Variants in SDK1 observed in about 807,000 individuals in gnomAD.
SDK1 encodes sidekick cell adhesion molecule 1.
A neutral mutation model predicts 245.5 loss-of-function variants in SDK1; 157 were observed. That is an observed-to-expected ratio of 0.64 (90% confidence interval 0.56 to 0.73). SDK1 has a LOEUF of 0.73. Ranked by LOEUF, SDK1 falls within the 30% of genes least tolerant of loss-of-function variation. SDK1 has a pLI of 0.00. For synonymous variants in SDK1, 1,647 were observed against 1,278.5 expected (o/e 1.29, Z -6.15); for missense variants, 3,583 against 3,002.3 (o/e 1.19, Z -4.52).
chr7:3,730,132 C>A (rs1051859602), intron 4 of SDK1, among the ~76,000 whole-genome samples: 6 of 152,042 alleles, frequency 3.9e-5, no homozygotes, highest in African/African-American at 1.4e-4. Context: ...AGCTTAGGGA[C>A]CATTGCTGAT....
chr7:3,827,944 T>C (rs1779817146), intron 5 of SDK1, among the ~76,000 whole-genome samples: 2 of 152,184 alleles, frequency 1.3e-5, no homozygotes, highest in South Asian at 4.1e-4. Flanking sequence ...TCAGCATTTA[T>C]TTGTTATTAG....
chr7:4,205,858 T>C (rs1784187288), intron 35 of SDK1, 21 bp from the exon 36 acceptor site: 2 of 1,539,846 alleles, frequency 1.3e-6, no homozygotes, highest in Non-Finnish European at 8.8e-7. Flanking sequence ...TCAGCTTCTC[T>C]CCGCATTGCT....
At chr7:3,545,534 C>T (rs1485661468) in intron 1 of SDK1, among the ~76,000 whole-genome samples, 1 of 152,206 alleles carries the variant, frequency 6.6e-6, no homozygotes, top group East Asian at 1.9e-4. Flanking sequence ...TCTTTTCCTA[C>T]TGAAATGTGA....
chr7:3,829,483 C>G (rs550918994), intron 5 of SDK1, among the ~76,000 whole-genome samples: 1 of 152,238 alleles, frequency 6.6e-6, no homozygotes, highest in African/African-American at 2.4e-5. Flanking sequence ...GACACTGAGG[C>G]TCTAAGAGGT....
chr7:3,492,164 T>A (rs1406589741), intron 1 of SDK1, among the ~76,000 whole-genome samples: 1 of 152,234 alleles, frequency 6.6e-6, no homozygotes, highest in Non-Finnish European at 1.5e-5. Flanking sequence ...AAGTGCTTTT[T>A]AAAATCTAGA....
intron 4 of SDK1, among the ~76,000 whole-genome samples, chr7:3,771,815 A>G (rs1256357167): frequency 2.6e-5 from 4 of 152,170 alleles, no homozygotes; most frequent in Non-Finnish European, 5.9e-5. Flanking sequence ...GCCATTGAGT[A>G]CGTTCATATT....
At chr7:4,051,057 A>G (rs1273054321) in intron 18 of SDK1, among the ~76,000 whole-genome samples, 4 of 141,396 alleles carry the variant, frequency 2.8e-5, no homozygotes, top group Non-Finnish European at 6.0e-5. Context: ...TATACTATAC[A>G]TATATATGTT....
intron 4 of SDK1, among the ~76,000 whole-genome samples, chr7:3,819,625 A>T (rs1315916532): frequency 6.6e-6 from 1 of 152,116 alleles, no homozygotes; most frequent in African/African-American, 2.4e-5. Context: ...AAAAGAATCT[A>T]TAAAGGAGTC....
chr7:3,953,009 A>G (rs533619748), intron 7 of SDK1, among the ~76,000 whole-genome samples: 3 of 152,204 alleles, frequency 2.0e-5, no homozygotes, highest in Non-Finnish European at 2.9e-5. Context: ...GCCGCTGTTG[A>G]TAAGAGGTAG....
intron 1 of SDK1, among the ~76,000 whole-genome samples, chr7:3,386,173 A>G (rs1363130389): frequency 6.6e-6 from 1 of 152,202 alleles, no homozygotes; most frequent in African/African-American, 2.4e-5. Flanking sequence ...GACTTGTTTT[A>G]TGTATTAGCA....
intron 30 of SDK1, among the ~76,000 whole-genome samples, chr7:4,153,311 C>T (rs2128209371): frequency 6.6e-6 from 1 of 151,524 alleles, no homozygotes; most frequent in South Asian, 2.1e-4. Flanking sequence ...ATGGGCTGGG[C>T]ATGGTGGCTC....
chr7:3,599,064 C>G (rs1781167498), intron 1 of SDK1, among the ~76,000 whole-genome samples: 1 of 148,824 alleles, frequency 6.7e-6, no homozygotes, highest in South Asian at 2.1e-4. Flanking sequence ...CTCTGTGTAG[C>G]CACCAGCAAT....
chr7:3,639,957 C>T (rs2128651418), intron 3 of SDK1, among the ~76,000 whole-genome samples: 1 of 152,192 alleles, frequency 6.6e-6, no homozygotes, highest in Non-Finnish European at 1.5e-5. Flanking sequence ...AGTGATCCTC[C>T]CTCCTCAGCC....
At chr7:3,418,435 C>G (rs937748073) in intron 1 of SDK1, among the ~76,000 whole-genome samples, 1 of 152,032 alleles carries the variant, frequency 6.6e-6, no homozygotes, top group Admixed American at 6.6e-5. Context: ...GCACTGTGCT[C>G]CAGAAAGAGC....
intron 1 of SDK1, among the ~76,000 whole-genome samples, chr7:3,505,728 C>T (rs886642711): frequency 3.9e-5 from 6 of 152,064 alleles, no homozygotes; most frequent in Non-Finnish European, 5.9e-5. Flanking sequence ...AAAAGTGGCT[C>T]AAAAATACAG....
chr7:3,907,534 G>C (rs1778994667), intron 5 of SDK1, among the ~76,000 whole-genome samples: 1 of 152,172 alleles, frequency 6.6e-6, no homozygotes, highest in Admixed American at 6.5e-5. Context: ...CATATAGGTT[G>C]TTTCTGCCTA....
chr7:4,268,268 G>C lies in SDK1; in HGVS notation c.*2884G>C, dbSNP rs10237536. On this transcript the variant is annotated 3_prime_UTR_variant, in exon 45 of 45. Coordinates refer to ENST00000404826, the MANE Select transcript of SDK1 (RefSeq NM_152744.4). ...GCCAGGAGGCTCCGTCTGAGCCACA[G>C]GGATGGGTGTGCAGAGCTCCCTCCT... is the stretch of plus-strand genomic sequence containing the variant. 3.7e-3 allele frequency: 3,693 copies of C among 1,004,624 alleles called. 104 individuals are homozygous for C. The African/African-American group carries it at 0.054, about 15-fold the overall frequency. The allele number at this position is 1,004,624 out of a possible 1,614,324, so 62.2% of individuals were successfully genotyped here. A position where few individuals can be genotyped will look rare whatever the true frequency, so the allele number is the denominator to read the frequency against.
At chr7:3,321,664 T>G (rs1223572990) in intron 1 of SDK1, among the ~76,000 whole-genome samples, 2 of 151,920 alleles carry the variant, frequency 1.3e-5, no homozygotes, top group Non-Finnish European at 1.5e-5. Context: ...GCAATGAATG[T>G]GGGTTGGTTT....
chr7:3,659,798 C>G (rs767056031), intron 4 of SDK1, among the ~76,000 whole-genome samples: 44 of 152,232 alleles, frequency 2.9e-4, no homozygotes, highest in Non-Finnish European at 5.4e-4. Flanking sequence ...GACTGGCAGC[C>G]CAGATGAAGA....
Sources: gnomAD v4.1 joint callset for allele counts (sites outside exome capture counted in the v4.1 genomes callset) on GRCh38, gnomAD v4.1.1 for gene constraint, MANE v1.5 for transcripts, NCBI Gene and HGNC (gene_info 2026-07-23, HGNC 2026-07-21) for gene names.